TANC2: variants seen among roughly 807,000 people sequenced by gnomAD.
TANC2 encodes protein TANC2.
In TANC2, 26 loss-of-function variants were observed where a neutral mutation model predicts 210.5. That is an observed-to-expected ratio of 0.12 (90% CI 0.09 to 0.17). The LOEUF (loss-of-function observed/expected upper bound fraction) is 0.17. Ranked by LOEUF, TANC2 falls within the 10% of genes least tolerant of loss-of-function variation. The probability of loss-of-function intolerance (pLI) is 1.00; values close to 1 mark genes in which losing one functional copy is unlikely to be tolerated. For synonymous variants in TANC2, 931 were observed against 967.1 expected, an observed-to-expected ratio of 0.96 and a Z score of 0.69; for missense variants, 2,129 against 2,608.9, an observed-to-expected ratio of 0.82 and a Z score of 4.01.
At chr17:63,380,025 AG>A (rs945896179) in intron 15 of TANC2, among the ~76,000 whole-genome samples, 199 bp downstream of exon 15, 1 of 152,164 alleles carries the variant, frequency 6.6e-6, no homozygotes, top group Non-Finnish European at 1.5e-5. Context: ...ACTAACTGAT[AG>A]GCTTTTCAGG....
chr17:63,066,632 T>G (rs1409949612), intron 2 of TANC2, among the ~76,000 whole-genome samples: 1 of 151,942 alleles, frequency 6.6e-6, no homozygotes, highest in East Asian at 1.9e-4. Context: ...CCGACCTTAG[T>G]GGTAACATCA....
At chr17:63,139,705 C>A (rs1446331248) in intron 4 of TANC2, among the ~76,000 whole-genome samples, 5 of 152,136 alleles carry the variant, frequency 3.3e-5, no homozygotes, top group Non-Finnish European at 7.4e-5. Context: ...AGTTTGAGAT[C>A]AGCCTGGGCA....
chr17:63,046,477 G>A (rs965936154), intron 2 of TANC2, among the ~76,000 whole-genome samples: 1 of 151,470 alleles, frequency 6.6e-6, no homozygotes, highest in Non-Finnish European at 1.5e-5. Context: ...GATTACAGGC[G>A]CCCACCACAA....
chr17:63,136,800 A>C (rs138212687), intron 4 of TANC2, among the ~76,000 whole-genome samples: 35 of 152,306 alleles, frequency 2.3e-4, no homozygotes, highest in Middle Eastern at 6.8e-3. Flanking sequence ...GGTGACAAGA[A>C]CTAGATGAAT....
intron 1 of TANC2, among the ~76,000 whole-genome samples, chr17:62,974,141 C>T (rs1056442558): frequency 1.3e-5 from 2 of 152,156 alleles, no homozygotes; most frequent in African/African-American, 4.8e-5. Flanking sequence ...TGAAGGGCTT[C>T]GCAGGGCATA....
chr17:63,125,430 C>T (rs778296944), intron 4 of TANC2, among the ~76,000 whole-genome samples: 7 of 151,938 alleles, frequency 4.6e-5, no homozygotes, highest in South Asian at 2.1e-4. Context: ...GAAGGGAAGC[C>T]GTTTTTTACC....
At chr17:63,172,266 C>T (rs1377871088) in intron 5 of TANC2, among the ~76,000 whole-genome samples, 2 of 151,388 alleles carry the variant, frequency 1.3e-5, no homozygotes, top group African/African-American at 4.9e-5. Context: ...TTCTCAACCC[C>T]CGCCTCTCAG....
At chr17:63,360,537 A>G (rs956302449) in intron 14 of TANC2, among the ~76,000 whole-genome samples, 4 of 152,166 alleles carry the variant, frequency 2.6e-5, no homozygotes, top group African/African-American at 9.7e-5. Flanking sequence ...ATATATATAT[A>G]TGGTTACATG....
At chr17:62,975,151 G>A (rs1213321819) in intron 1 of TANC2, among the ~76,000 whole-genome samples, 2 of 152,150 alleles carry the variant, frequency 1.3e-5, no homozygotes, top group South Asian at 2.1e-4. Flanking sequence ...GTCATTTTAT[G>A]CTTGGAGAAT....
intron 4 of TANC2, among the ~76,000 whole-genome samples, chr17:63,147,143 G>C (rs1175460838): frequency 6.6e-6 from 1 of 151,822 alleles, no homozygotes; most frequent in African/African-American, 2.4e-5. Context: ...GACCAGCCTG[G>C]GCAACATGGC....
intron 8 of TANC2, among the ~76,000 whole-genome samples, chr17:63,238,763 G>A (rs2042691841): frequency 1.3e-5 from 2 of 152,118 alleles, no homozygotes; most frequent in Non-Finnish European, 2.9e-5. Flanking sequence ...CCACACAGCT[G>A]GGGAAGCCTT....
At chr17:63,397,554 T>G (rs930040838) in intron 18 of TANC2, among the ~76,000 whole-genome samples, 3 of 152,214 alleles carry the variant, frequency 2.0e-5, no homozygotes, top group Non-Finnish European at 2.9e-5. Context: ...CTTTCAGCTT[T>G]AGCACTAAAT....
At chr17:63,281,144 A>C (rs2044046157) in intron 9 of TANC2, among the ~76,000 whole-genome samples, 1 of 152,142 alleles carries the variant, frequency 6.6e-6, no homozygotes, top group African/African-American at 2.4e-5. Context: ...GTGAGTTTAC[A>C]TTTGAAATAT....
At chr17:63,152,664 C>G (rs936979194) in intron 5 of TANC2, 1 of 152,094 alleles carries the variant, frequency 6.6e-6, no homozygotes, top group Non-Finnish European at 1.5e-5. Context: ...GAATATTGTA[C>G]TTTGCATTTC....
chr17:63,019,142 C>A (rs1465165561), intron 2 of TANC2, among the ~76,000 whole-genome samples: 1 of 152,278 alleles, frequency 6.6e-6, no homozygotes, highest in Admixed American at 6.5e-5. Flanking sequence ...TACATTCCCA[C>A]CAGCAATGTA....
intron 10 of TANC2, among the ~76,000 whole-genome samples, chr17:63,315,058 A>G (rs1029324044): frequency 2.6e-4 from 39 of 152,078 alleles, no homozygotes; most frequent in Non-Finnish European, 1.2e-4. Flanking sequence ...TGCATCCTTC[A>G]TCTCTTTGCT....
At chr17:63,141,271 G>A (rs2039278552) in intron 4 of TANC2, among the ~76,000 whole-genome samples, 1 of 149,506 alleles carries the variant, frequency 6.7e-6, no homozygotes, top group South Asian at 2.1e-4. Flanking sequence ...GCTGGGTGTG[G>A]TGGCTCATGC....
intron 2 of TANC2, among the ~76,000 whole-genome samples, chr17:63,055,074 G>C (rs574835999): frequency 1.3e-5 from 2 of 152,098 alleles, no homozygotes; most frequent in Non-Finnish European, 2.9e-5. Flanking sequence ...TGGATTGAGA[G>C]GAATAGTCAC....
At chr17:63,271,436 C>CTTTT (rs58847076) in intron 9 of TANC2, among the ~76,000 whole-genome samples, 1 of 141,824 alleles carries the variant, frequency 7.1e-6, no homozygotes, top group Admixed American at 7.0e-5. Context: ...AGCTCTTTTT[C>CTTTT]TTTTTTTTTT....
Sources: allele counts gnomAD v4.1 joint callset (sites outside exome capture counted in the v4.1 genomes callset), GRCh38; gene constraint gnomAD v4.1.1; transcripts MANE v1.5; gene names NCBI Gene and HGNC (gene_info 2026-07-23, HGNC 2026-07-21).